ASPRV1: variants seen among roughly 807,000 people sequenced by gnomAD.
ASPRV1 encodes the protein retroviral-like aspartic protease 1.
Under a neutral mutation model 11.0 loss-of-function variants are expected in ASPRV1, and 7 were observed. The ratio of observed to expected loss-of-function variants is 0.64; its 90% CI spans 0.36 to 1.20. ASPRV1 has a LOEUF of 1.20. Among genes scored for constraint, ASPRV1 ranks in the 50% most tolerant of loss-of-function variants. The pLI, the probability that ASPRV1 is intolerant of heterozygous loss-of-function variation, is 0.02. For missense variants in ASPRV1, 299 were observed against 320.0 expected, an observed-to-expected ratio of 0.93 and a Z score of 0.50; for synonymous variants, 136 against 138.4, an observed-to-expected ratio of 0.98 and a Z score of 0.12.
chr2:70,074,741 C>G, the ASPRV1 span, among the ~76,000 whole-genome samples: 1 of 151,854 alleles, frequency 6.6e-6, no homozygotes, highest in East Asian at 2.0e-4. Flanking sequence ...GCTGGCCCTA[C>G]TACTCTTATA....
At chr2:70,067,057 TA>T in the ASPRV1 span, among the ~76,000 whole-genome samples, 1 of 152,340 alleles carries the variant, frequency 6.6e-6, no homozygotes, top group Middle Eastern at 3.4e-3. Context: ...ACCAATCTAT[TA>T]TTCTAAGCAT....
the ASPRV1 span, chr2:69,937,988 C>T: frequency 2.0e-6 from 2 of 986,444 alleles, no homozygotes; most frequent in Non-Finnish European, 3.0e-6. Context: ...CTCAAGTGAT[C>T]CACCCGCCTT....
At chr2:70,012,340 G>A in the ASPRV1 span, 1 of 152,024 alleles carries the variant, frequency 6.6e-6, no homozygotes, top group South Asian at 2.1e-4. Flanking sequence ...ATTTTTAGTA[G>A]AGACAGGGTT....
chr2:70,072,857 G>A, the ASPRV1 span, among the ~76,000 whole-genome samples: 4 of 146,748 alleles, frequency 2.7e-5, no homozygotes. Context: ...TTCGAGACCA[G>A]TCTGAACAAT....
chr2:70,000,124 G>C, the ASPRV1 span, among the ~76,000 whole-genome samples: 1 of 152,136 alleles, frequency 6.6e-6, no homozygotes, highest in Non-Finnish European at 1.5e-5. Context: ...GGATATTTTA[G>C]ATTCATGAAT....
chr2:69,986,230 A>G, the ASPRV1 span, among the ~76,000 whole-genome samples: 1 of 152,318 alleles, frequency 6.6e-6, no homozygotes, highest in East Asian at 1.9e-4. Context: ...CCTCAGGTAG[A>G]TTCATAGCTG....
At chr2:70,035,899 C>T in the ASPRV1 span, among the ~76,000 whole-genome samples, 1 of 151,612 alleles carries the variant, frequency 6.6e-6, no homozygotes, top group Non-Finnish European at 1.5e-5. Context: ...TAACTCAAGC[C>T]CTTCTATCAC....
the ASPRV1 span, among the ~76,000 whole-genome samples, chr2:70,017,153 G>A: frequency 3.3e-5 from 5 of 152,086 alleles, no homozygotes; most frequent in Admixed American, 3.3e-4. Context: ...ACCATGCCTG[G>A]CTAATTTTTT....
At chr2:69,970,233 C>G in the ASPRV1 span, among the ~76,000 whole-genome samples, 174 of 152,172 alleles carry the variant, frequency 1.1e-3, 3 homozygotes, top group South Asian at 5.6e-3. Context: ...CTGCTGAGGT[C>G]GGTAGTCATC....
chr2:69,960,626 A>C lies in ASPRV1; in HGVS notation c.*31T>G. The C allele has an allele frequency of 6.3e-7, 1 of 1,583,264 alleles. No individual in the cohort carries two copies. The highest frequency in any genetic ancestry group is 8.6e-7 in the Non-Finnish European group (1 of 1,167,050). ...CCCACAGCGGTGGGTCTTCCCACCA[A>C]TATTTAGGAGGTTAAAGAAAAGGTG... is the stretch of plus-strand genomic sequence containing the variant. On this transcript the variant is annotated 3_prime_UTR_variant, in exon 1 of 1. Transcript: ENST00000320256.
the ASPRV1 span, among the ~76,000 whole-genome samples, chr2:69,981,056 G>A: frequency 1.3e-5 from 2 of 152,262 alleles, no homozygotes; most frequent in Admixed American, 6.5e-5. Context: ...GATTACAGGC[G>A]TGAGCCACTG....
the ASPRV1 span, among the ~76,000 whole-genome samples, chr2:70,083,345 C>A: frequency 6.6e-6 from 1 of 152,190 alleles, no homozygotes; most frequent in African/African-American, 2.4e-5. Flanking sequence ...GGGCATAAGA[C>A]CCTACTGGCA....
chr2:70,061,171 G>C, the ASPRV1 span, among the ~76,000 whole-genome samples: 3 of 152,046 alleles, frequency 2.0e-5, no homozygotes, highest in African/African-American at 2.4e-5. Flanking sequence ...CGAGGCAGGT[G>C]AATCACTTGA....
chr2:70,039,534 G>A, the ASPRV1 span, among the ~76,000 whole-genome samples: 3 of 152,158 alleles, frequency 2.0e-5, no homozygotes, highest in African/African-American at 4.8e-5. Context: ...ATCCTTAGAC[G>A]TTTAAACCAG....
chr2:69,940,461 G>C, the ASPRV1 span: 1 of 152,570 alleles, frequency 6.6e-6, no homozygotes, highest in South Asian at 2.1e-4. Flanking sequence ...TTGTGGGCTT[G>C]CACTGGGGGA....
the ASPRV1 span, chr2:69,942,057 CCAA>C: frequency 6.6e-6 from 1 of 152,110 alleles, no homozygotes; most frequent in African/African-American, 2.4e-5. Context: ...CTTTGTTTCC[CCAA>C]GTTTGTCTGT....
rs763060723 is a variant in ASPRV1 at position 69,960,639 on chromosome 2, TAAAGA to T, written c.*13_*17del. 17 of 1,597,112 alleles carry T rather than the reference TAAAGA, an allele frequency of 1.1e-5. 1 individual carries two copies. Among genetic ancestry groups the T allele is most frequent in the African/African-American group, 5.4e-5 (4 of 74,324 alleles). On this transcript the variant is annotated 3_prime_UTR_variant, in exon 1 of 1. Coordinates refer to ENST00000320256, the MANE Select transcript of ASPRV1 (RefSeq NM_152792.4). ...GTCTTCCCACCAATATTTAGGAGGT[TAAAGA>T]AAAGGTGGCTTCTCAGTGGGATAGC...
At chr2:69,992,121 A>G in the ASPRV1 span, among the ~76,000 whole-genome samples, 1 of 150,414 alleles carries the variant, frequency 6.6e-6, no homozygotes, top group Non-Finnish European at 1.5e-5. Context: ...TAGGGGCTTC[A>G]TTTCACTCTT....
the ASPRV1 span, among the ~76,000 whole-genome samples, chr2:70,019,673 G>A: frequency 6.6e-6 from 1 of 152,166 alleles, no homozygotes; most frequent in African/African-American, 2.4e-5. Flanking sequence ...AGAAAGACAA[G>A]TACCACATGA....
Sources: allele counts gnomAD v4.1 joint callset (sites outside exome capture counted in the v4.1 genomes callset), GRCh38; gene constraint gnomAD v4.1.1; transcripts MANE v1.5; gene names NCBI Gene and HGNC (gene_info 2026-07-23, HGNC 2026-07-21).